The following PCDHGA12 variants were observed in gnomAD, a reference collection of about 807,000 sequenced individuals.
The protein encoded by PCDHGA12 is protocadherin gamma-A12.
Under a neutral mutation model 61.1 loss-of-function variants are expected in PCDHGA12, and 43 were observed. The ratio of observed to expected loss-of-function variants is 0.70; its 90% CI spans 0.55 to 0.91. The LOEUF (loss-of-function observed/expected upper bound fraction) is 0.91, where lower values mean the gene tolerates loss of function less well. PCDHGA12 is among the 40% of genes least tolerant of loss of function. PCDHGA12 has a pLI of 0.00. For missense variants in PCDHGA12, 1,236 were observed against 1,227.7 expected (o/e 1.01, Z -0.10); for synonymous variants, 520 against 542.9 (o/e 0.96, Z 0.59).
rs2098293800 is a variant in PCDHGA12 at position 141,442,043 on chromosome 5, A to G, written c.2424+8860A>G. The G allele has an allele frequency of 1.9e-5, 4 of 205,506 alleles. No homozygotes were observed. In the South Asian group the frequency reaches 2.4e-4, roughly 12 times the overall value. The allele number at this position is 205,506 out of a possible 1,614,324, so 12.7% of individuals were successfully genotyped here. A position where few individuals can be genotyped will look rare whatever the true frequency, so the allele number is the denominator to read the frequency against. On this transcript the variant is annotated intron_variant, in intron 1 of 3. Transcript: ENST00000252085. ...ACAGGAAAGCGACTCGCCAGCGCCTACTGGTCGCGGTGCACTGCGGTGGAC... is the reference window on the plus strand; with the variant it reads ...ACAGGAAAGCGACTCGCCAGCGCCTGCTGGTCGCGGTGCACTGCGGTGGAC...
Position 141,507,906 on chromosome 5 carries a change from G to A in PCDHGA12, c.2572+2425G>A, listed in dbSNP as rs2099864753. ...AGAGAGGTTCCTGAAGTCCAGCCCA[G>A]CCAGGCCTGTGGGGCTGCTGAGAGG... On this transcript the variant is annotated intron_variant, in intron 3 of 3. Coordinates refer to ENST00000252085, the MANE Select transcript of PCDHGA12 (RefSeq NM_003735.3). Among the ~76,000 whole-genome samples, 4 of 152,216 alleles carry A rather than the reference G, an allele frequency of 2.6e-5. No homozygotes were observed. The South Asian group carries it at 8.3e-4, about 32-fold the overall frequency.
intron 1 of PCDHGA12, among the ~76,000 whole-genome samples, chr5:141,447,162 G>A (rs1213550616): frequency 6.6e-6 from 1 of 151,700 alleles, no homozygotes; most frequent in African/African-American, 2.4e-5. Flanking sequence ...TTGTTTAAGC[G>A]GGGTCTTGCT....
intron 2 of PCDHGA12, among the ~76,000 whole-genome samples, chr5:141,495,407 C>T: frequency 6.6e-6 from 1 of 152,218 alleles, no homozygotes; most frequent in East Asian, 1.9e-4. Flanking sequence ...AGGCCCCCTT[C>T]TCCGGCCCCT....
At chr5:141,458,728 T>A (rs1010109573) in intron 1 of PCDHGA12, among the ~76,000 whole-genome samples, 1 of 151,870 alleles carries the variant, frequency 6.6e-6, no homozygotes, top group Non-Finnish European at 1.5e-5. Context: ...CGCCACCACA[T>A]CCAGCTATTG....
chr5:141,491,507 C>A lies in PCDHGA12; in HGVS notation c.2425-3300C>A, dbSNP rs755899622. 1.9e-6 allele frequency: 3 copies of A among 1,614,038 alleles called. No individual in the cohort carries two copies. The highest frequency in any genetic ancestry group is 1.6e-4 in the Middle Eastern group (1 of 6,062). Reference sequence around the variant, plus strand: ...AACCTGCAGGTGAGCTCGGACGGCACGCTCAAGTACATGGAGGTGACGCTG... The same window carrying A: ...AACCTGCAGGTGAGCTCGGACGGCAAGCTCAAGTACATGGAGGTGACGCTG... On this transcript the variant is annotated intron_variant, in intron 1 of 3. Transcript: ENST00000252085. The surrounding 1 kb of genome is among the most constrained non-coding windows in gnomAD (Gnocchi z 6.9).
rs764586891 is a variant in PCDHGA12, at chr5:141,477,616, A to G, written c.2425-17191A>G. On this transcript the variant is annotated intron_variant, in intron 1 of 3. Coordinates refer to ENST00000252085, the MANE Select transcript of PCDHGA12 (RefSeq NM_003735.3). This position sits in a 1 kb window ranked among gnomAD's most constrained non-coding sequence, Gnocchi z 4.9. ...TTTCTTTCTTTCTCTTGGAGCAAGGAGCTGAAACCGGGCTAGTGGGTCGCT... is the reference window on the plus strand; with the variant it reads ...TTTCTTTCTTTCTCTTGGAGCAAGGGGCTGAAACCGGGCTAGTGGGTCGCT... The G allele has an allele frequency of 1.2e-6, 2 of 1,614,068 alleles. No individual in the cohort carries two copies. Among genetic ancestry groups the G allele is most frequent in the African/African-American group, 2.7e-5 (2 of 74,924 alleles).
rs568123995 is a variant in PCDHGA12 at position 141,511,539 on chromosome 5, C to G, written c.*366C>G. The G allele has an allele frequency of 3.0e-5, 10 of 328,342 alleles. No individual in the cohort carries two copies. The highest frequency in any genetic ancestry group is 2.1e-4 in the African/African-American group (10 of 47,452). The allele number at this position is 328,342 out of a possible 1,614,324, so 20.3% of individuals were successfully genotyped here. ...CATCCCATGCCTCCCTCCTCCCCAC[C>G]CCACTCCAACAGTTCCTCTTTCCCG... On this transcript the variant is annotated 3_prime_UTR_variant, in exon 4 of 4. Transcript: ENST00000252085.
chr5:141,488,572 T>C (rs888054788), intron 1 of PCDHGA12, among the ~76,000 whole-genome samples: 28 of 152,212 alleles, frequency 1.8e-4, no homozygotes, highest in African/African-American at 6.8e-4. Flanking sequence ...CCGCAAAGCA[T>C]TGCTGGAGAG....
intron 2 of PCDHGA12, among the ~76,000 whole-genome samples, chr5:141,499,689 CTTTTT>C (rs545067566): frequency 3.3e-5 from 4 of 119,852 alleles, no homozygotes; most frequent in Non-Finnish European, 3.5e-5. Flanking sequence ...TAACAGATGA[CTTTTT>C]TTTTTTTTTT....
At chr5:141,455,186 C>T (rs1436215310) in intron 1 of PCDHGA12, among the ~76,000 whole-genome samples, 3 of 151,542 alleles carry the variant, frequency 2.0e-5, no homozygotes, top group Non-Finnish European at 2.9e-5. Context: ...TTTTATTTCT[C>T]TACAAATTTA....
chr5:141,433,176 T>A lies in PCDHGA12; in HGVS notation c.2417T>A (p.Leu806Ter). ...GTATTTTCTAAAGACAGTCATGGGTTAATTGAGGTGAGTTTATATCAAATC... is the reference window on the plus strand; with the variant it reads ...GTATTTTCTAAAGACAGTCATGGGTAAATTGAGGTGAGTTTATATCAAATC... ...DSVFSKDSHG[L>*]IEQAPPNTDW... The change falls in exon 1 of 4, where the codon TTA becomes TAA. Residue 806 changes from leucine to a stop codon, truncating the protein, a stop_gained. Coordinates refer to ENST00000252085, the MANE Select transcript of PCDHGA12 (RefSeq NM_003735.3). LOFTEE classifies it high-confidence loss of function. 1 of 1,610,288 alleles carries A rather than the reference T, an allele frequency of 6.2e-7. No homozygotes were observed. Among genetic ancestry groups the A allele is most frequent in the Non-Finnish European group, 8.5e-7 (1 of 1,178,858 alleles).
At position 141,491,733 on chromosome 5, in the gene PCDHGA12, TGGGGGCGGCAC is replaced by T; in HGVS notation, c.2425-3073_2425-3063del. 1.9e-6 allele frequency: 3 copies of T among 1,602,698 alleles called. No individual in the cohort carries two copies. The highest frequency in any genetic ancestry group is 2.6e-6 in the Non-Finnish European group (3 of 1,175,258). On this transcript the variant is annotated intron_variant, in intron 1 of 3. Coordinates refer to ENST00000252085, the MANE Select transcript of PCDHGA12 (RefSeq NM_003735.3). The surrounding 1 kb of genome is among the most constrained non-coding windows in gnomAD (Gnocchi z 6.9). ...GCTCGGCGCCGCCCCGGGCGACCCC[TGGGGGCGGCAC>T]TGGAGAAGCCGCCCGTCCTCATAAG...
At position 141,511,219 on chromosome 5, in the gene PCDHGA12, G is replaced by A. The variant is rs1467284181; in HGVS notation, c.*46G>A. On this transcript the variant is annotated 3_prime_UTR_variant, in exon 4 of 4. Coordinates refer to ENST00000252085, the MANE Select transcript of PCDHGA12 (RefSeq NM_003735.3). ...CCACAGGGCGGCCTCTCCCCAACCA[G>A]CCCAGCTTCTCCTTACCTGCACCCA... 5 of 1,606,366 alleles carry A rather than the reference G, an allele frequency of 3.1e-6. No individual in the cohort carries two copies. The highest frequency in any genetic ancestry group is 2.7e-5 in the African/African-American group (2 of 74,686).
At position 141,486,418 on chromosome 5, in the gene PCDHGA12, A is replaced by G. The variant is rs1174910867; in HGVS notation, c.2425-8389A>G. On this transcript the variant is annotated intron_variant, in intron 1 of 3. Transcript: ENST00000252085. This position sits in a 1 kb window ranked among gnomAD's most constrained non-coding sequence, Gnocchi z 5.0. ...TGGTGACTGCTGGACCCTTGGATCG[A>G]GAGGCCAAATCTAGCTATGACATCA... is the stretch of plus-strand genomic sequence containing the variant. The G allele has an allele frequency of 3.7e-6, 6 of 1,614,176 alleles. No individual in the cohort carries two copies. Among genetic ancestry groups the G allele is most frequent in the Non-Finnish European group, 5.1e-6 (6 of 1,180,020 alleles).
intron 2 of PCDHGA12, among the ~76,000 whole-genome samples, chr5:141,496,353 C>T (rs761547879): frequency 4.6e-5 from 7 of 152,210 alleles, no homozygotes; most frequent in Non-Finnish European, 8.8e-5. Context: ...AGTCTCAGAG[C>T]CCAGGGAGAG....
Position 141,502,866 on chromosome 5 carries a change from C to CTTTTTTTTTTTTTT in PCDHGA12, c.2484-2526_2484-2513dup, listed in dbSNP as rs549047197. Among the ~76,000 whole-genome samples the CTTTTTTTTTTTTTT allele has an allele frequency of 1.6e-4, 20 of 128,024 alleles. 4 individuals are homozygous for CTTTTTTTTTTTTTT. The highest frequency in any genetic ancestry group is 2.6e-4 in the Admixed American group (3 of 11,660). 84.0% of individuals were successfully genotyped at this position (128,024 alleles called of 152,430 possible). A position where few individuals can be genotyped will look rare whatever the true frequency, so the allele number is the denominator to read the frequency against. The stretch of plus-strand genomic sequence containing the variant: ...GAGCTGCCTAACCCTGACTCTCTGT[C>CTTTTTTTTTTTTTT]TTTTTTTTTTTTTTGACAGGGAGTC... On this transcript the variant is annotated intron_variant, in intron 2 of 3. Transcript: ENST00000252085.
Position 141,489,273 on chromosome 5 carries a change from G to GA in PCDHGA12, c.2425-5531dup. The GA allele has an allele frequency of 6.4e-7, 1 of 1,555,870 alleles. No individual in the cohort carries two copies. The highest frequency in any genetic ancestry group is 2.2e-5 in the East Asian group (1 of 44,466). On this transcript the variant is annotated intron_variant, in intron 1 of 3. Coordinates refer to ENST00000252085, the MANE Select transcript of PCDHGA12 (RefSeq NM_003735.3). The surrounding 1 kb of genome is among the most constrained non-coding windows in gnomAD (Gnocchi z 4.5). ...CCAAGACACTCCCACAGCTCGCTGG[G>GA]AAATGGCAAGTGCTGTGCATGTTGT...
chr5:141,511,077 T>C lies in PCDHGA12; in HGVS notation c.2703T>C (p.Asn901=), dbSNP rs1279500774. ...YRQNVYIPGS[N]ATLTNAAGKR... is the part of the protein sequence containing the mutation. ...AGAATGTCTACATCCCAGGCAGCAA[T>C]GCCACACTGACCAACGCAGCTGGCA... is the stretch of plus-strand genomic sequence containing the variant. Residue 901 remains asparagine, a synonymous_variant, in exon 4 of 4, where the codon AAT becomes AAC. Transcript: ENST00000252085. 5 of 1,614,062 alleles carry C rather than the reference T, an allele frequency of 3.1e-6. No individual in the cohort carries two copies. The African/African-American group carries it at 6.7e-5, about 22-fold the overall frequency.
At chr5:141,437,887 G>A (rs1289693561) in intron 1 of PCDHGA12, among the ~76,000 whole-genome samples, 12 of 151,946 alleles carry the variant, frequency 7.9e-5, no homozygotes, top group Admixed American at 3.3e-4. Flanking sequence ...ACAGGCACAC[G>A]CCACCACACC....
Sources: allele counts gnomAD v4.1 joint callset (sites outside exome capture counted in the v4.1 genomes callset), GRCh38; gene constraint gnomAD v4.1.1; non-coding constraint Gnocchi (gnomAD v3.1); transcripts MANE v1.5; gene names NCBI Gene and HGNC (gene_info 2026-07-23, HGNC 2026-07-21).